The following MAGI1 variants were observed in gnomAD, a reference collection of about 807,000 sequenced individuals.
The protein encoded by MAGI1 is membrane associated guanylate kinase, WW and PDZ domain containing 1, also known as membrane-associated guanylate kinase, WW and PDZ domain-containing protein 1.
In MAGI1, 58 loss-of-function variants were observed where a neutral mutation model predicts 139.9. That is an observed-to-expected ratio of 0.41 (90% confidence interval 0.34 to 0.52). MAGI1 has a LOEUF of 0.52. Ranked by LOEUF, MAGI1 falls within the 20% of genes least tolerant of loss-of-function variation. The pLI, the probability that MAGI1 is intolerant of heterozygous loss-of-function variation, is 0.12. For missense variants in MAGI1, 1,874 were observed against 1,901.6 expected (o/e 0.99, Z 0.27); for synonymous variants, 812 against 737.9 (o/e 1.10, Z -1.63).
intron 2 of MAGI1, among the ~76,000 whole-genome samples, chr3:65,597,001 GAGCTTACAA>G (rs1413156498): frequency 6.6e-6 from 1 of 152,098 alleles, no homozygotes; most frequent in Non-Finnish European, 1.5e-5. Flanking sequence ...TTTTCCCCGA[GAGCTTACAA>G]AGCCCTCCAA....
chr3:65,509,733 G>A (rs1367276951), intron 2 of MAGI1, among the ~76,000 whole-genome samples: 3 of 151,932 alleles, frequency 2.0e-5, no homozygotes, highest in African/African-American at 4.8e-5. Context: ...GGGGAGGGGC[G>A]CCCGCCATTG....
intron 1 of MAGI1, among the ~76,000 whole-genome samples, chr3:65,710,343 C>T (rs1019621394): frequency 2.9e-5 from 4 of 139,454 alleles, no homozygotes; most frequent in South Asian, 2.2e-4. Context: ...TGCAATGGCG[C>T]GACCTTGGCT....
chr3:65,686,002 A>G (rs2087992328), intron 1 of MAGI1, among the ~76,000 whole-genome samples: 2 of 152,216 alleles, frequency 1.3e-5, no homozygotes, highest in African/African-American at 4.8e-5. Flanking sequence ...AAATATGGCC[A>G]TAGAAACTTT....
chr3:66,006,744 T>C (rs2067034406), intron 1 of MAGI1, among the ~76,000 whole-genome samples: 1 of 152,180 alleles, frequency 6.6e-6, no homozygotes, highest in Non-Finnish European at 1.5e-5. Flanking sequence ...AATGGGATTA[T>C]GAGTTTTAAA....
At chr3:66,002,984 A>C (rs139915062) in intron 1 of MAGI1, among the ~76,000 whole-genome samples, 2 of 152,308 alleles carry the variant, frequency 1.3e-5, no homozygotes, top group African/African-American at 4.8e-5. Flanking sequence ...AATTAACAAC[A>C]ACCACTACAT....
intron 18 of MAGI1, among the ~76,000 whole-genome samples, chr3:65,369,169 T>G (rs1941737390): frequency 6.6e-6 from 1 of 152,010 alleles, no homozygotes; most frequent in African/African-American, 2.4e-5. Flanking sequence ...ATCAAAGCAA[T>G]GAAGGTAAGG....
Position 65,439,892 on chromosome 3 carries a change from C to CTGCTGCTGCTGCTGCTGCTGCTGCTGT in MAGI1, c.1256_1257insACAGCAGCAGCAGCAGCAGCAGCAGCA (p.Gln413_Gln421dup). On this transcript the variant is annotated inframe_insertion, in exon 9 of 23. Coordinates refer to ENST00000402939, the MANE Select transcript of MAGI1 (RefSeq NM_001033057.2). Reference sequence around the variant, plus strand: ...AAAGAGGCCAACCTTCTGTCTGCTGCTGCTGCTGCTGCTGCTGCTGCTGTT... The same window carrying CTGCTGCTGCTGCTGCTGCTGCTGCTGT: ...AAAGAGGCCAACCTTCTGTCTGCTGCTGCTGCTGCTGCTGCTGCTGCTGCTGTTGCTGCTGCTGCTGCTGCTGCTGTT... The CTGCTGCTGCTGCTGCTGCTGCTGCTGT allele has an allele frequency of 6.2e-7, 1 of 1,602,820 alleles. No individual in the cohort carries two copies. The highest frequency in any genetic ancestry group is 2.3e-5 in the East Asian group (1 of 43,842).
chr3:65,632,767 C>T (rs2084384287), intron 1 of MAGI1, among the ~76,000 whole-genome samples: 1 of 152,166 alleles, frequency 6.6e-6, no homozygotes, highest in Admixed American at 6.5e-5. Flanking sequence ...CAGAAAGAGG[C>T]AGATTTGTCC....
chr3:65,737,135 G>T (rs1255807713), intron 1 of MAGI1, among the ~76,000 whole-genome samples: 1 of 152,124 alleles, frequency 6.6e-6, no homozygotes, highest in African/African-American at 2.4e-5. Flanking sequence ...CTCCTGAGTA[G>T]CTGGGACTAC....
At chr3:65,403,916 C>T (rs1945116872) in intron 12 of MAGI1, among the ~76,000 whole-genome samples, 1 of 152,222 alleles carries the variant, frequency 6.6e-6, no homozygotes, top group Non-Finnish European at 1.5e-5. Flanking sequence ...GTGGGGCAGC[C>T]AACCTACAAA....
intron 1 of MAGI1, among the ~76,000 whole-genome samples, chr3:65,893,227 C>T (rs1056622351): frequency 6.6e-6 from 1 of 151,972 alleles, no homozygotes; most frequent in Non-Finnish European, 1.5e-5. Context: ...AGTCATTAGT[C>T]CTCTTTCTAC....
Position 66,032,371 on chromosome 3 carries a change from C to T in MAGI1, c.313+5625G>A, listed in dbSNP as rs536126955. Among the ~76,000 whole-genome samples, 35 of 135,564 alleles carry T rather than the reference C, an allele frequency of 2.6e-4. No individual in the cohort carries two copies. The East Asian group carries it at 7.2e-3, about 28-fold the overall frequency. The allele number at this position is 135,564 out of a possible 152,430, so 88.9% of individuals were successfully genotyped here. On this transcript the variant is annotated intron_variant, in intron 1 of 22. Coordinates refer to ENST00000402939, the MANE Select transcript of MAGI1 (RefSeq NM_001033057.2). ...GATTACAGGCGCCCACCACCACGCC[C>T]GGCTAATTTTTTTGTTTTTTTTTTT...
Position 65,356,559 on chromosome 3 carries a change from C to A in MAGI1, c.4208G>T (p.Arg1403Leu), listed in dbSNP as rs763951532. 1 of 1,606,736 alleles carries A rather than the reference C, an allele frequency of 6.2e-7. No individual in the cohort carries two copies. Among genetic ancestry groups the A allele is most frequent in the Non-Finnish European group, 8.5e-7 (1 of 1,178,798 alleles). ...ERRAKSTDRR[R>L]ARSPERRRER... ...TCTCCTGCGCTCGGGGGAGCGTGCG[C>A]GCCTCCGGTCGGTGGACTTGGCCCT... is the stretch of plus-strand genomic sequence containing the variant. The change falls in exon 23 of 23, where the codon CGC becomes CTC. Residue 1403 changes from arginine to leucine, a missense_variant. Physicochemically the swap from Arg to Leu is moderately radical, Grantham distance 102. This residue lies in a region of MAGI1 where 653 missense variants were observed against 644.5 expected (regional missense o/e 1.01). Transcript: ENST00000402939.
At chr3:65,810,348 C>A (rs2041146938) in intron 1 of MAGI1, among the ~76,000 whole-genome samples, 1 of 152,246 alleles carries the variant, frequency 6.6e-6, no homozygotes, top group South Asian at 2.1e-4. Flanking sequence ...CCCATACACC[C>A]AAACGGCTCA....
intron 1 of MAGI1, among the ~76,000 whole-genome samples, chr3:65,770,001 G>C (rs935260244): frequency 6.6e-6 from 1 of 152,152 alleles, no homozygotes; most frequent in Non-Finnish European, 1.5e-5. Flanking sequence ...ACCATGAGGA[G>C]ATTTACGTGC....
chr3:65,924,619 C>T (rs1419726507), intron 1 of MAGI1, among the ~76,000 whole-genome samples: 1 of 152,166 alleles, frequency 6.6e-6, no homozygotes, highest in African/African-American at 2.4e-5. Context: ...AGTACTAGAG[C>T]AGGTTTCCCA....
In MAGI1 at chr3:65,375,762, C is replaced by G; in HGVS notation, c.3179G>C (p.Arg1060Pro). Reference sequence around the variant, plus strand: ...TACTTTACCATCCCCAGGAATGATGCGGAGGGTAACTGTGTTTCCCGCTTC... The same window carrying G: ...TACTTTACCATCCCCAGGAATGATGGGGAGGGTAACTGTGTTTCCCGCTTC... ...IKEAGNTVTL[R>P]IIPGDESSNA... The change falls in exon 18 of 23, where the codon CGC (arginine) becomes CCC (proline). Residue 1060 changes from arginine to proline, a missense_variant. Around this residue, in one of 5 missense-constraint regions of MAGI1, gnomAD observed 653 missense variants for 644.5 expected, o/e 1.01. Transcript: ENST00000402939. The G allele has an allele frequency of 1.2e-6, 2 of 1,612,716 alleles. No homozygotes were observed. The highest frequency in any genetic ancestry group is 1.7e-6 in the Non-Finnish European group (2 of 1,178,872).
At chr3:65,527,635 G>T (rs2078448211) in intron 2 of MAGI1, among the ~76,000 whole-genome samples, 1 of 152,188 alleles carries the variant, frequency 6.6e-6, no homozygotes, top group South Asian at 2.1e-4. Context: ...TGAGGCAAGA[G>T]AACAGTGTGA....
chr3:65,889,307 C>CT (rs997817966), intron 1 of MAGI1, among the ~76,000 whole-genome samples: 2 of 152,172 alleles, frequency 1.3e-5, no homozygotes, highest in African/African-American at 4.8e-5. Context: ...AGATCCATCA[C>CT]TTTAAAAAGG....
Sources: allele counts gnomAD v4.1 joint callset (sites outside exome capture counted in the v4.1 genomes callset), GRCh38; gene constraint gnomAD v4.1.1; regional missense constraint gnomAD v4.1.1; transcripts MANE v1.5; gene names NCBI Gene and HGNC (gene_info 2026-07-23, HGNC 2026-07-21).